The following ATP10B variants were observed in gnomAD, a reference collection of about 807,000 sequenced individuals.
ATP10B encodes phospholipid-transporting ATPase VB.
Under a neutral mutation model 141.2 loss-of-function variants are expected in ATP10B, and 122 were observed. That is an observed-to-expected ratio of 0.86 (90% CI 0.75 to 1.00). ATP10B has a LOEUF of 1.00. Ranked by LOEUF, ATP10B falls within the 50% of genes least tolerant of loss-of-function variation. ATP10B has a pLI of 0.00. For missense variants in ATP10B, 1,876 were observed against 1,825.3 expected, an observed-to-expected ratio of 1.03 and a Z score of -0.51; for synonymous variants, 685 against 692.0, an observed-to-expected ratio of 0.99 and a Z score of 0.16.
At chr5:160,869,328 C>G in the ATP10B span, among the ~76,000 whole-genome samples, 1 of 152,014 alleles carries the variant, frequency 6.6e-6, no homozygotes, top group Non-Finnish European at 1.5e-5. Flanking sequence ...ATCTCCTTAG[C>G]TACTGTCATA....
chr5:160,606,079 G>A (rs1757370368), intron 19 of ATP10B, among the ~76,000 whole-genome samples: 1 of 152,232 alleles, frequency 6.6e-6, no homozygotes, highest in Non-Finnish European at 1.5e-5. Context: ...GCAACTGTTG[G>A]AGAAAGAAAG....
At chr5:160,902,449 G>A in the ATP10B span, among the ~76,000 whole-genome samples, 68 of 152,260 alleles carry the variant, frequency 4.5e-4, 2 homozygotes, top group South Asian at 0.014. Flanking sequence ...CAAACACTCA[G>A]CAACATGAGA....
chr5:160,597,008 A>G (rs1454654101), intron 22 of ATP10B, among the ~76,000 whole-genome samples: 3 of 152,226 alleles, frequency 2.0e-5, no homozygotes, highest in African/African-American at 7.2e-5. Flanking sequence ...CCATCAAGCT[A>G]CCAATGACTT....
At position 160,634,408 on chromosome 5, in the gene ATP10B, T is replaced by C. The variant is rs1759191369; in HGVS notation, c.1327A>G (p.Met443Val). 1 of 1,614,040 alleles carries C rather than the reference T, an allele frequency of 6.2e-7. No individual in the cohort carries two copies. Among genetic ancestry groups the C allele is most frequent in the Non-Finnish European group, 8.5e-7 (1 of 1,180,038 alleles). ...DKTGTLTENK[M>V]VFRRCTIMGS... is the part of the protein sequence containing the mutation. ...ATGATGGTGCAACGTCGGAACACCA[T>C]CTTGTTCTCTGTCAGGGTCCCCGTC... The change falls in exon 12 of 26, where the codon ATG becomes GTG. Residue 443 changes from methionine to valine, a missense_variant. Physicochemically the swap from Met to Val is conservative, Grantham distance 21 (BLOSUM62 1). Coordinates refer to ENST00000327245, the MANE Select transcript of ATP10B (RefSeq NM_025153.3).
At chr5:160,745,448 C>A (rs1767748989) in intron 2 of ATP10B, among the ~76,000 whole-genome samples, 1 of 152,228 alleles carries the variant, frequency 6.6e-6, no homozygotes, top group South Asian at 2.1e-4. Flanking sequence ...ACCATCCTAT[C>A]TCTTCTTTAC....
chr5:160,642,328 G>C (rs1229430175), intron 9 of ATP10B, among the ~76,000 whole-genome samples: 1 of 152,196 alleles, frequency 6.6e-6, no homozygotes, highest in Non-Finnish European at 1.5e-5. Context: ...GCTGTGAGGA[G>C]CACACACCTC....
chr5:160,920,443 G>A, the ATP10B span, among the ~76,000 whole-genome samples: 12 of 152,294 alleles, frequency 7.9e-5, no homozygotes, highest in South Asian at 2.5e-3. Context: ...TGCATGTTCC[G>A]TGTTCTCAGC....
chr5:160,820,179 G>A (rs1773992257), intron 1 of ATP10B, among the ~76,000 whole-genome samples: 1 of 151,102 alleles, frequency 6.6e-6, no homozygotes, highest in Non-Finnish European at 1.5e-5. Context: ...TAAAATCAGA[G>A]ATGAAAAAGT....
chr5:160,619,251 T>A (rs866300571), intron 15 of ATP10B, among the ~76,000 whole-genome samples: 1 of 152,202 alleles, frequency 6.6e-6, no homozygotes, highest in South Asian at 2.1e-4. Flanking sequence ...TTAAACACCA[T>A]AAATATTATT....
intron 13 of ATP10B, among the ~76,000 whole-genome samples, chr5:160,624,740 C>G (rs577798296): frequency 2.0e-4 from 30 of 152,146 alleles, no homozygotes; most frequent in Non-Finnish European, 4.0e-4. Flanking sequence ...GAAATGAATC[C>G]CGACTTAACT....
chr5:160,775,220 A>G (rs986517570), intron 2 of ATP10B, among the ~76,000 whole-genome samples: 11 of 152,194 alleles, frequency 7.2e-5, no homozygotes, highest in African/African-American at 2.7e-4. Flanking sequence ...GTCAAACTCT[A>G]TTTCCAGGGG....
chr5:160,763,779 C>A (rs944585255), intron 2 of ATP10B, among the ~76,000 whole-genome samples: 1 of 151,802 alleles, frequency 6.6e-6, no homozygotes, highest in Non-Finnish European at 1.5e-5. Flanking sequence ...CTGGTTCTTT[C>A]AAAAGATAAA....
chr5:160,750,504 C>G (rs1448892131), intron 2 of ATP10B, among the ~76,000 whole-genome samples: 1 of 152,176 alleles, frequency 6.6e-6, no homozygotes, highest in Non-Finnish European at 1.5e-5. Context: ...CATAAAATTT[C>G]CAGAACCCAT....
At chr5:160,888,176 C>T in the ATP10B span, among the ~76,000 whole-genome samples, 2 of 152,182 alleles carry the variant, frequency 1.3e-5, no homozygotes, top group African/African-American at 4.8e-5. Context: ...AATCCTGGCC[C>T]ATGGGCATAC....
chr5:160,638,467 G>C (rs574141478), intron 10 of ATP10B, among the ~76,000 whole-genome samples: 1 of 152,132 alleles, frequency 6.6e-6, no homozygotes, highest in African/African-American at 2.4e-5. Context: ...GGCCAAATGG[G>C]CTGGGGAGAG....
At chr5:160,803,375 G>T (rs1271988699) in intron 1 of ATP10B, among the ~76,000 whole-genome samples, 1 of 152,098 alleles carries the variant, frequency 6.6e-6, no homozygotes, top group Non-Finnish European at 1.5e-5. Flanking sequence ...CATCAACTGA[G>T]GCATAGGAAG....
intron 7 of ATP10B, among the ~76,000 whole-genome samples, chr5:160,654,225 A>G (rs1394133780): frequency 4.6e-5 from 7 of 151,710 alleles, no homozygotes; most frequent in Non-Finnish European, 8.8e-5. Flanking sequence ...TCAACCTCCC[A>G]CAGTGCTGGG....
At chr5:160,612,571 T>G in intron 18 of ATP10B, 170 bp downstream of exon 18, 2 of 526,420 alleles carry the variant, frequency 3.8e-6, no homozygotes, top group East Asian at 3.1e-5. Flanking sequence ...ATAAAGGATA[T>G]TGGGCTGGAT....
chr5:160,782,438 T>TACACACACACAC (rs57112303), intron 2 of ATP10B, among the ~76,000 whole-genome samples: 262 of 141,154 alleles, frequency 1.9e-3, no homozygotes, highest in Middle Eastern at 7.4e-3. Context: ...TCTTCCTCCA[T>TACACACACACAC]ACACACACAC....
Sources: gnomAD v4.1 joint callset for allele counts (sites outside exome capture counted in the v4.1 genomes callset) on GRCh38, gnomAD v4.1.1 for gene constraint, MANE v1.5 for transcripts, NCBI Gene and HGNC (gene_info 2026-07-23, HGNC 2026-07-21) for gene names.